The following TTC21B variants were observed in gnomAD, a reference collection of about 807,000 sequenced individuals.
The protein encoded by TTC21B is tetratricopeptide repeat domain 21B.
In TTC21B, 127 loss-of-function variants were observed where a neutral mutation model predicts 175.1. The ratio of observed to expected loss-of-function variants is 0.73; its 90% confidence interval spans 0.63 to 0.84. The LOEUF is 0.84. TTC21B is among the 40% of genes least tolerant of loss of function. TTC21B has a pLI of 0.00. For missense variants in TTC21B, 1,561 were observed against 1,558.3 expected, an observed-to-expected ratio of 1.00 and a Z score of -0.03; for synonymous variants, 524 against 524.5, an observed-to-expected ratio of 1.00 and a Z score of 0.01.
chr2:165,930,765 GTA>G (rs1686875263), intron 8 of TTC21B, among the ~76,000 whole-genome samples: 3 of 138,152 alleles, frequency 2.2e-5, no homozygotes, highest in Admixed American at 1.5e-4. Context: ...GTGTGTGTGT[GTA>G]TAATATATGT....
intron 6 of TTC21B, 135 bp downstream of exon 6, chr2:165,940,891 TA>T: frequency 1.2e-6 from 1 of 854,202 alleles, no homozygotes; most frequent in Non-Finnish European, 1.9e-6. Flanking sequence ...AGTATGATTT[TA>T]AGTATTTCCT....
At chr2:165,892,130 T>C (rs544960649) in intron 22 of TTC21B, among the ~76,000 whole-genome samples, 6 of 152,278 alleles carry the variant, frequency 3.9e-5, no homozygotes, top group African/African-American at 1.2e-4. Context: ...TATTTCTTTA[T>C]AGTGGTGTCT....
intron 11 of TTC21B, among the ~76,000 whole-genome samples, chr2:165,927,496 T>C (rs1686723755): frequency 6.7e-6 from 1 of 150,136 alleles, no homozygotes; most frequent in Non-Finnish European, 1.5e-5. Flanking sequence ...TTTCTAAACA[T>C]ATTATACAAT....
intron 15 of TTC21B, among the ~76,000 whole-genome samples, chr2:165,914,228 A>C (rs1380011483): frequency 6.6e-6 from 1 of 152,194 alleles, no homozygotes; most frequent in Non-Finnish European, 1.5e-5. Context: ...AAAACTCTTG[A>C]GAATTATTAT....
In TTC21B at chr2:165,915,336, C is replaced by T. The variant is rs925607677; in HGVS notation, c.2003G>A (p.Gly668Glu). 1.9e-6 allele frequency: 3 copies of T among 1,614,074 alleles called. No homozygotes were observed. Among genetic ancestry groups the T allele is most frequent in the Admixed American group, 1.7e-5 (1 of 60,012 alleles). Residue 668 changes from glycine (G) to glutamate (E), a missense_variant, in exon 15 of 29, where the codon GGA (glycine) becomes GAA (glutamate). Transcript: ENST00000243344. The part of the protein sequence containing the change: ...IANADLALAQ[G>E]DIERALSILQ... ...GATGCTTAAAGCCCGTTCAATATCT[C>T]CTTGGGCTAGAGCAAGGTCTGCATT...
rs1237746871 is a variant in TTC21B at position 165,936,444 on chromosome 2, GAA to G, written c.711-3389_711-3388del. On this transcript the variant is annotated intron_variant, in intron 6 of 28. Transcript: ENST00000243344. Reference sequence around the variant, plus strand: ...TACACAAAAGGCATAATTCATGAAAGAAAGAGTTGATAAGCTGGACTTCATTA... The same window carrying G: ...TACACAAAAGGCATAATTCATGAAAGAGAGTTGATAAGCTGGACTTCATTA... Among the ~76,000 whole-genome samples the G allele has an allele frequency of 8.5e-5, 13 of 152,142 alleles. No homozygotes were observed. The East Asian group carries it at 1.7e-3, about 20-fold the overall frequency.
intron 6 of TTC21B, among the ~76,000 whole-genome samples, chr2:165,939,475 T>C (rs1329328149): frequency 6.6e-6 from 1 of 152,200 alleles, no homozygotes; most frequent in African/African-American, 2.4e-5. Context: ...ATATTTGTAT[T>C]ACCTATGAAA....
At chr2:165,921,891 T>C (rs1686421717) in intron 12 of TTC21B, among the ~76,000 whole-genome samples, 1 of 151,782 alleles carries the variant, frequency 6.6e-6, no homozygotes, top group Non-Finnish European at 1.5e-5. Context: ...ATAAGTTATT[T>C]AGTGGTGATT....
At position 165,883,571 on chromosome 2, in the gene TTC21B, C is replaced by T. The variant is rs60697420; in HGVS notation, c.3684+223G>A. ...TCCGTTAAGTAGGGCATCACTACAG[C>T]TGAAACTTGAAATTGCATAAATCTT... On this transcript the variant is annotated intron_variant, in intron 26 of 28. Transcript: ENST00000243344. Among the ~76,000 whole-genome samples, 648 of 152,264 alleles carry T rather than the reference C, an allele frequency of 4.3e-3. 5 individuals carry two copies. Among genetic ancestry groups the T allele is most frequent in the African/African-American group, 0.014 (599 of 41,534 alleles).
intron 11 of TTC21B, chr2:165,928,737 T>G: frequency 1.1e-5 from 2 of 176,710 alleles, no homozygotes; most frequent in South Asian, 1.2e-4. Flanking sequence ...AAAAGCAGAG[T>G]TTGACTTAAC....
intron 6 of TTC21B, among the ~76,000 whole-genome samples, chr2:165,938,430 AAAAG>A (rs1687242676): frequency 6.6e-6 from 1 of 152,142 alleles, no homozygotes; most frequent in Non-Finnish European, 1.5e-5. Context: ...TGATATCACG[AAAAG>A]AGAGAGACAA....
intron 25 of TTC21B, 47 bp from the exon 26 acceptor site, chr2:165,884,065 GC>G (rs1684929122): frequency 1.3e-6 from 2 of 1,485,746 alleles, no homozygotes. Flanking sequence ...AAACATAAAT[GC>G]CCCAAAAACA....
chr2:165,909,824 T>TA (rs917835777), intron 18 of TTC21B, among the ~76,000 whole-genome samples: 1 of 152,120 alleles, frequency 6.6e-6, no homozygotes, highest in Non-Finnish European at 1.5e-5. Context: ...CTACATATGC[T>TA]AAAAAATAAA....
At position 165,927,271 on chromosome 2, in the gene TTC21B, TATATATATATATATCCTAGTAG is replaced by T. The variant is rs1686698408; in HGVS notation, c.1386+1842_1386+1863del. Among the ~76,000 whole-genome samples the T allele has an allele frequency of 6.6e-5, 3 of 45,648 alleles. 1 individual carries two copies. The highest frequency in any genetic ancestry group is 9.6e-5 in the Non-Finnish European group (2 of 20,772). The allele number at this position is 45,648 out of a possible 152,430, so 29.9% of individuals were successfully genotyped here. On this transcript the variant is annotated intron_variant, in intron 11 of 28. Transcript: ENST00000243344. ...TTATATATATATATATCCTAGTAGT[TATATATATATATATCCTAGTAG>T]TTATATATATATATTATATATTATA...
At chr2:165,926,993 T>C (rs1169811684) in intron 11 of TTC21B, among the ~76,000 whole-genome samples, 1 of 52,264 alleles carries the variant, frequency 1.9e-5, no homozygotes, top group African/African-American at 5.9e-5. Context: ...TAAACTCCCA[T>C]ATATATATAT....
Position 165,911,482 on chromosome 2 carries a change from C to G in TTC21B, c.2323-17G>C. On this transcript the variant is annotated splice_polypyrimidine_tract_variant and intron_variant, in intron 17 of 28. Coordinates refer to ENST00000243344, the MANE Select transcript of TTC21B (RefSeq NM_024753.5). ...AGTGATTGCCTAAACAAAATTCATT[C>G]CATTTAAGGGAACAAGGCAATGAGA... 7 of 1,613,428 alleles carry G rather than the reference C, an allele frequency of 4.3e-6. No homozygotes were observed. Among genetic ancestry groups the G allele is most frequent in the Non-Finnish European group, 5.9e-6 (7 of 1,179,742 alleles).
At chr2:165,902,654 G>A (rs1450605150) in intron 19 of TTC21B, among the ~76,000 whole-genome samples, 1 of 152,070 alleles carries the variant, frequency 6.6e-6, no homozygotes, top group Non-Finnish European at 1.5e-5. Context: ...ATATTAATAT[G>A]TGTTTCAGTA....
Position 165,932,979 on chromosome 2 carries a change from T to C in TTC21B, c.789A>G (p.Ile263Met). 1 of 1,612,794 alleles carries C rather than the reference T, an allele frequency of 6.2e-7. No individual in the cohort carries two copies. The highest frequency in any genetic ancestry group is 8.5e-7 in the Non-Finnish European group (1 of 1,179,236). The change falls in exon 7 of 29, where the codon ATA (isoleucine) becomes ATG (methionine). Residue 263 changes from isoleucine to methionine, a missense_variant. Transcript: ENST00000243344. ...ATAATACAATGCCACTTACCTTCTC[T>C]ATATCCCCCTCTCTACACACATAGT... ...ALYYVCREGD[I>M]EKASTKLENL...
At position 165,930,130 on chromosome 2, in the gene TTC21B, T is replaced by C. The variant is rs78518087; in HGVS notation, c.1087+42A>G. 6.1e-3 allele frequency: 9,593 copies of C among 1,576,234 alleles called. 40 individuals carry two copies. Among genetic ancestry groups the C allele is most frequent in the East Asian group, 0.013 (584 of 44,604 alleles). On this transcript the variant is annotated intron_variant, in intron 9 of 28. Coordinates refer to ENST00000243344, the MANE Select transcript of TTC21B (RefSeq NM_024753.5). ...ATGGCAAGTTAAAAGCAATTGCTAC[T>C]TGTATCTATATTATAAATATTTATG...
Sources: gnomAD v4.1 joint callset for allele counts (sites outside exome capture counted in the v4.1 genomes callset) on GRCh38, gnomAD v4.1.1 for gene constraint, MANE v1.5 for transcripts, NCBI Gene and HGNC (gene_info 2026-07-23, HGNC 2026-07-21) for gene names.